OR51B5: variants seen among roughly 807,000 people sequenced by gnomAD.
The protein encoded by OR51B5 is olfactory receptor 51B5.
For missense variants in OR51B5, 456 were observed against 374.6 expected, an observed-to-expected ratio of 1.22 and a Z score of -1.79; for synonymous variants, 186 against 144.8, an observed-to-expected ratio of 1.28 and a Z score of -2.04.
chr11:5,420,333 A>C (rs762892804), intron 1 of OR51B5, among the ~76,000 whole-genome samples: 43 of 152,196 alleles, frequency 2.8e-4, no homozygotes, highest in Middle Eastern at 3.5e-3. Context: ...TTATTTTGAA[A>C]GTTTAAAACA....
At chr11:5,344,860 T>C (rs1293132012), upstream of OR51B5, among the ~76,000 whole-genome samples, 1 of 152,114 alleles carries the variant, frequency 6.6e-6, no homozygotes, top group African/African-American at 2.4e-5. Context: ...ACAGTACTAC[T>C]TGATGTAGAT....
chr11:5,414,520 G>A (rs981719623), intron 1 of OR51B5, among the ~76,000 whole-genome samples: 3 of 152,048 alleles, frequency 2.0e-5, no homozygotes, highest in African/African-American at 7.2e-5. Flanking sequence ...CCATCAGTGT[G>A]TTGTATTCAG....
intron 1 of OR51B5, among the ~76,000 whole-genome samples, chr11:5,504,802 C>T (rs1166563810): frequency 1.3e-5 from 2 of 152,190 alleles, no homozygotes; most frequent in African/African-American, 4.8e-5. Context: ...AAGACAGTGA[C>T]CCTCCCTGCC....
intron 1 of OR51B5, among the ~76,000 whole-genome samples, chr11:5,428,247 G>C (rs996274945): frequency 2.0e-5 from 3 of 151,708 alleles, no homozygotes; most frequent in African/African-American, 7.3e-5. Context: ...TACAGTTCCA[G>C]ACTGCCACAA....
At chr11:5,389,921 C>T in intron 1 of OR51B5, 1 of 1,611,658 alleles carries the variant, frequency 6.2e-7, no homozygotes, top group South Asian at 1.1e-5. Flanking sequence ...TGTCCTCCTC[C>T]TGAAGGCTTT....
chr11:5,354,830 AG>A (rs1849161323), intron 1 of OR51B5: 1 of 195,158 alleles, frequency 5.1e-6, no homozygotes, highest in Non-Finnish European at 1.1e-5. Flanking sequence ...CAGAACTTCA[AG>A]CCACAAGAAG....
intron 1 of OR51B5, among the ~76,000 whole-genome samples, chr11:5,358,942 A>C (rs1056521628): frequency 6.6e-6 from 1 of 151,696 alleles, no homozygotes; most frequent in Non-Finnish European, 1.5e-5. Context: ...AAAATTCAAC[A>C]ACCCTTCATG....
At chr11:5,416,909 C>A (rs1267556094) in intron 1 of OR51B5, among the ~76,000 whole-genome samples, 1 of 151,694 alleles carries the variant, frequency 6.6e-6, no homozygotes, top group Non-Finnish European at 1.5e-5. Context: ...TCTTTCTTCA[C>A]AGAATTGGAA....
chr11:5,375,599 T>C (rs2133711775), intron 1 of OR51B5, among the ~76,000 whole-genome samples: 1 of 151,742 alleles, frequency 6.6e-6, no homozygotes, highest in East Asian at 1.9e-4. Flanking sequence ...AGGCTCAAAA[T>C]AAAAGGATGG....
chr11:5,371,486 A>G (rs1849446974), intron 1 of OR51B5, among the ~76,000 whole-genome samples: 1 of 152,172 alleles, frequency 6.6e-6, no homozygotes, highest in Non-Finnish European at 1.5e-5. Context: ...TCTAAAGAGT[A>G]CTGATATTAA....
At chr11:5,402,840 C>T (rs1402319810) in intron 1 of OR51B5, 4 of 471,554 alleles carry the variant, frequency 8.5e-6, no homozygotes, top group South Asian at 6.2e-5. Context: ...ATCCACCCTG[C>T]CTACAGTGTT....
chr11:5,475,822 T>C (rs1404037524), intron 1 of OR51B5, among the ~76,000 whole-genome samples: 1 of 152,192 alleles, frequency 6.6e-6, no homozygotes, highest in Non-Finnish European at 1.5e-5. Context: ...GCATCAGCAT[T>C]CCTTCCACAA....
At chr11:5,379,998 A>AT (rs1554885697) in intron 1 of OR51B5, among the ~76,000 whole-genome samples, 175 of 151,000 alleles carry the variant, frequency 1.2e-3, no homozygotes, top group African/African-American at 3.9e-3. Flanking sequence ...TTAAAAAAAA[A>AT]AAATAAGCTA....
At chr11:5,345,761 C>T (rs11036924), upstream of OR51B5, 45,143 of 151,856 alleles carry the variant, frequency 0.3, 7,424 homozygotes, top group Non-Finnish European at 0.38. Context: ...CCAAAGGAAA[C>T]GATCCTCTTA....
chr11:5,366,705 T>G (rs1849374918), intron 1 of OR51B5, among the ~76,000 whole-genome samples: 1 of 149,174 alleles, frequency 6.7e-6, no homozygotes, highest in African/African-American at 2.5e-5. Flanking sequence ...GAAGAAAAAG[T>G]AGAGGAGGAG....
At chr11:5,478,698 G>A (rs927257568) in intron 1 of OR51B5, among the ~76,000 whole-genome samples, 5 of 151,702 alleles carry the variant, frequency 3.3e-5, no homozygotes, top group Admixed American at 3.3e-4. Flanking sequence ...CAAGGCTCAA[G>A]AACTACGTGA....
At chr11:5,422,157 CT>C in intron 1 of OR51B5, 6 of 1,376,600 alleles carry the variant, frequency 4.4e-6, no homozygotes, top group South Asian at 1.3e-5. Context: ...GTTTCTTTTT[CT>C]CCCTGAGTGA....
At chr11:5,423,192 A>T in intron 1 of OR51B5, 1 of 1,525,338 alleles carries the variant, frequency 6.6e-7, no homozygotes, top group South Asian at 1.3e-5. Flanking sequence ...AGTATGAGTC[A>T]TAGGCTTAAG....
chr11:5,429,671 TGAGG>T (rs1304050853), intron 1 of OR51B5, among the ~76,000 whole-genome samples: 13 of 151,918 alleles, frequency 8.6e-5, no homozygotes, highest in African/African-American at 2.9e-4. Context: ...ATTATGGGGC[TGAGG>T]AAGGGGCAGG....
Sources: allele counts gnomAD v4.1 joint callset (sites outside exome capture counted in the v4.1 genomes callset), GRCh38; gene constraint gnomAD v4.1.1; transcripts MANE v1.5; gene names NCBI Gene and HGNC (gene_info 2026-07-23, HGNC 2026-07-21).